The following ANKS1B variants were observed in gnomAD, a reference collection of about 807,000 sequenced individuals.
ANKS1B encodes ankyrin repeat and sterile alpha motif domain containing 1B.
Under a neutral mutation model 148.3 loss-of-function variants are expected in ANKS1B, and 36 were observed. The ratio of observed to expected loss-of-function variants is 0.24; its 90% CI spans 0.19 to 0.32. The LOEUF is 0.32. Among genes scored for constraint, ANKS1B ranks in the 10% least tolerant of loss-of-function variants. The probability of loss-of-function intolerance (pLI) is 1.00; values close to 1 mark genes in which losing one functional copy is unlikely to be tolerated. For missense variants in ANKS1B, 1,157 were observed against 1,542.6 expected, an observed-to-expected ratio of 0.75 and a Z score of 4.19; for synonymous variants, 542 against 560.8, an observed-to-expected ratio of 0.97 and a Z score of 0.47.
intron 16 of ANKS1B, among the ~76,000 whole-genome samples, chr12:99,055,926 C>G (rs564409641): frequency 6.6e-6 from 1 of 152,200 alleles, no homozygotes; most frequent in South Asian, 2.1e-4. Context: ...ATCAGGATTG[C>G]ACGGAATGCA....
intron 17 of ANKS1B, among the ~76,000 whole-genome samples, chr12:99,047,898 G>A (rs572123594): frequency 1.1e-4 from 16 of 152,318 alleles, no homozygotes; most frequent in African/African-American, 3.8e-4. Flanking sequence ...AGCTTGGTTG[G>A]CTTCAAGGGT....
chr12:98,745,903 A>T, intron 26 of ANKS1B, 54 bp from the exon 27 acceptor site: 1 of 1,570,734 alleles, frequency 6.4e-7, no homozygotes, highest in Non-Finnish European at 8.6e-7. Flanking sequence ...GGGTGCGCGC[A>T]TGCACGCGGA....
chr12:98,738,139 G>A (rs941591906), intron 9 of ANKS1B, among the ~76,000 whole-genome samples: 1 of 152,182 alleles, frequency 6.6e-6, no homozygotes, highest in Non-Finnish European at 1.5e-5. Context: ...CAGAGACCAG[G>A]CCTTTGAAGT....
chr12:99,721,061 T>G (rs1194201412), intron 8 of ANKS1B, among the ~76,000 whole-genome samples: 1 of 152,226 alleles, frequency 6.6e-6, no homozygotes, highest in African/African-American at 2.4e-5. Context: ...AGTTTTTCAA[T>G]TCATACAAAA....
chr12:99,596,919 A>T (rs868798438), intron 9 of ANKS1B, among the ~76,000 whole-genome samples: 1 of 151,920 alleles, frequency 6.6e-6, no homozygotes, highest in African/African-American at 2.4e-5. Context: ...ATGAGCAAAA[A>T]ATGAATTCAT....
chr12:99,175,179 G>GA (rs2078244577), intron 14 of ANKS1B, among the ~76,000 whole-genome samples: 1 of 152,154 alleles, frequency 6.6e-6, no homozygotes, highest in Non-Finnish European at 1.5e-5. Flanking sequence ...TGTGTCCACA[G>GA]AACCCTTCAT....
intron 17 of ANKS1B, among the ~76,000 whole-genome samples, chr12:99,040,145 A>G (rs766700395): frequency 2.0e-5 from 3 of 152,102 alleles, no homozygotes; most frequent in Non-Finnish European, 2.9e-5. Context: ...AGGTCTGGCC[A>G]TGGGTCTTTC....
chr12:99,450,244 G>C (rs2095709682), intron 10 of ANKS1B, among the ~76,000 whole-genome samples: 1 of 152,118 alleles, frequency 6.6e-6, no homozygotes, highest in Admixed American at 6.6e-5. Flanking sequence ...GTTCAATTCA[G>C]GTCCGCAATT....
rs1341107333 is a variant in ANKS1B at position 99,740,777 on chromosome 12, C to T, written c.1128+32145G>A. ...GCTGAAGCTGGGTGGGGCATCCCCT[C>T]ACCCGGGAAGTGCAAGGGGTTGGGA... On this transcript the variant is annotated intron_variant, in intron 8 of 26. Coordinates refer to ENST00000683438, the MANE Select transcript of ANKS1B (RefSeq NM_001352186.2). Among the ~76,000 whole-genome samples the T allele has an allele frequency of 3.3e-5, 5 of 152,256 alleles. No homozygotes were observed. The East Asian group carries it at 5.8e-4, about 18-fold the overall frequency.
chr12:98,971,408 G>T (rs2099883007), intron 17 of ANKS1B, among the ~76,000 whole-genome samples: 1 of 152,124 alleles, frequency 6.6e-6, no homozygotes, highest in African/African-American at 2.4e-5. Flanking sequence ...CAAAGAAAAG[G>T]CCACTTTAGA....
chr12:98,754,341 G>A (rs1295130128), intron 25 of ANKS1B, among the ~76,000 whole-genome samples: 1 of 152,200 alleles, frequency 6.6e-6, no homozygotes, highest in African/African-American at 2.4e-5. Flanking sequence ...TCTTTCCACT[G>A]CCTACACTTG....
In ANKS1B at chr12:99,103,833, C is replaced by A. The variant is rs559036731; in HGVS notation, c.2527-18810G>T. Among the ~76,000 whole-genome samples the A allele has an allele frequency of 6.2e-4, 94 of 152,218 alleles. 1 individual carries two copies. The highest frequency in any genetic ancestry group is 2.2e-3 in the African/African-American group (92 of 41,544). On this transcript the variant is annotated intron_variant, in intron 15 of 26. Transcript: ENST00000683438. ...GGACAAGAATTTAGGAGTTAGCTAGCTAGATAGAGATGAATACACATGCAG... is the reference window on the plus strand; with the variant it reads ...GGACAAGAATTTAGGAGTTAGCTAGATAGATAGAGATGAATACACATGCAG...
intron 16 of ANKS1B, among the ~76,000 whole-genome samples, chr12:99,061,938 G>A (rs1210113597): frequency 6.6e-6 from 1 of 152,190 alleles, no homozygotes; most frequent in Admixed American, 6.5e-5. Context: ...GGAGAAAAAT[G>A]CAGGGAAACC....
At chr12:99,871,960 A>G (rs774571831) in intron 1 of ANKS1B, among the ~76,000 whole-genome samples, 4 of 152,094 alleles carry the variant, frequency 2.6e-5, no homozygotes, top group Non-Finnish European at 5.9e-5. Flanking sequence ...AATTGAATAC[A>G]AAAAACACTA....
At chr12:99,427,388 G>C (rs755709594) in intron 11 of ANKS1B, among the ~76,000 whole-genome samples, 41 of 152,086 alleles carry the variant, frequency 2.7e-4, no homozygotes, top group Non-Finnish European at 4.9e-4. Context: ...CTTCATCTGG[G>C]TCTTTGTATT....
At chr12:99,700,560 T>C (rs2054639851) in intron 8 of ANKS1B, among the ~76,000 whole-genome samples, 2 of 152,186 alleles carry the variant, frequency 1.3e-5, no homozygotes. Flanking sequence ...GTCTCATCCC[T>C]ACCATAGATC....
chr12:99,414,001 T>G (rs1252514733), intron 11 of ANKS1B, among the ~76,000 whole-genome samples: 1 of 152,186 alleles, frequency 6.6e-6, no homozygotes, highest in African/African-American at 2.4e-5. Flanking sequence ...CCAGGGCTTT[T>G]TGAGAACAGA....
chr12:99,262,742 T>C (rs1374619327), intron 12 of ANKS1B, among the ~76,000 whole-genome samples: 4 of 152,098 alleles, frequency 2.6e-5, no homozygotes, highest in Non-Finnish European at 5.9e-5. Flanking sequence ...ATTTATTGTC[T>C]AAAAAATTGA....
intron 17 of ANKS1B, among the ~76,000 whole-genome samples, chr12:98,832,620 C>T (rs1284689767): frequency 6.6e-6 from 1 of 152,112 alleles, no homozygotes; most frequent in African/African-American, 2.4e-5. Flanking sequence ...GGAATGCCCC[C>T]TCTCCCCTCT....
Sources: allele counts gnomAD v4.1 joint callset (sites outside exome capture counted in the v4.1 genomes callset), GRCh38; gene constraint gnomAD v4.1.1; transcripts MANE v1.5; gene names NCBI Gene and HGNC (gene_info 2026-07-23, HGNC 2026-07-21).